The following MITF variants were observed in gnomAD, a reference collection of about 807,000 sequenced individuals.
MITF encodes microphthalmia-associated transcription factor.
In MITF, 17 loss-of-function variants were observed where a neutral mutation model predicts 60.5. The ratio of observed to expected loss-of-function variants is 0.28; its 90% CI spans 0.19 to 0.42. The LOEUF (loss-of-function observed/expected upper bound fraction) is 0.42. Ranked by LOEUF, MITF falls within the 10% of genes least tolerant of loss-of-function variation. The pLI is 1.00. For synonymous variants in MITF, 260 were observed against 248.5 expected, an observed-to-expected ratio of 1.05 and a Z score of -0.43; for missense variants, 622 against 683.5, an observed-to-expected ratio of 0.91 and a Z score of 1.00.
intron 1 of MITF, among the ~76,000 whole-genome samples, chr3:69,808,032 G>A (rs1195970764): frequency 6.7e-6 from 1 of 148,910 alleles, no homozygotes; most frequent in African/African-American, 2.5e-5. Flanking sequence ...ATAAAAATGG[G>A]AGCATTGCTC....
intron 2 of MITF, chr3:69,936,941 A>G (rs918856660): frequency 9.1e-6 from 4 of 440,234 alleles, no homozygotes; most frequent in African/African-American, 6.3e-5. Flanking sequence ...AAATATTAGT[A>G]GGATTCTTTT....
intron 6 of MITF, 48 bp downstream of exon 6, chr3:69,949,216 C>A: frequency 7.2e-7 from 1 of 1,390,284 alleles, no homozygotes; most frequent in East Asian, 2.3e-5. Context: ...CTGTCCATTT[C>A]CTGATAAGAC....
rs377592102 is a variant in MITF, at chr3:69,740,130, G to A, written c.104+429G>A. 2.6e-5 allele frequency among the ~76,000 whole-genome samples: 4 copies of A among 152,328 alleles called. No individual in the cohort carries two copies. The East Asian group carries it at 5.8e-4, about 22-fold the overall frequency. ...CCAGCGGGTTGAGGGCTCGGAGAGG[G>A]AGAGCTTTGGGTGGACTGAGATGCG... is the stretch of plus-strand genomic sequence containing the variant. On this transcript the variant is annotated intron_variant, in intron 1 of 9. Transcript: ENST00000352241.
At chr3:69,822,799 A>AT (rs1408130998) in intron 1 of MITF, among the ~76,000 whole-genome samples, 8 of 151,082 alleles carry the variant, frequency 5.3e-5, no homozygotes, top group African/African-American at 1.2e-4. Context: ...TTTTAATTTT[A>AT]TTTTTTTCCT....
At chr3:69,939,310 G>C (rs901543793) in intron 4 of MITF, 129 bp downstream of exon 4, 39 of 791,756 alleles carry the variant, frequency 4.9e-5, no homozygotes, top group African/African-American at 1.1e-4. Context: ...TATAGAGAAA[G>C]CTAGGAACAT....
At chr3:69,913,261 G>A (rs1283007165) in intron 2 of MITF, among the ~76,000 whole-genome samples, 4 of 151,910 alleles carry the variant, frequency 2.6e-5, no homozygotes, top group African/African-American at 9.7e-5. Context: ...GGGGCTTTTT[G>A]TATTTGTTTA....
chr3:69,852,526 T>A (rs2063842456), intron 1 of MITF, among the ~76,000 whole-genome samples: 1 of 152,244 alleles, frequency 6.6e-6, no homozygotes, highest in Non-Finnish European at 1.5e-5. Context: ...GATATTCCAT[T>A]GTATGATTAC....
chr3:69,873,255 A>G (rs764392061), intron 1 of MITF, among the ~76,000 whole-genome samples: 2 of 151,946 alleles, frequency 1.3e-5, no homozygotes, highest in Non-Finnish European at 1.5e-5. Context: ...ATTTTTTTCC[A>G]CCATGCATGG....
At chr3:69,867,366 G>A (rs2064135581) in intron 1 of MITF, among the ~76,000 whole-genome samples, 2 of 151,998 alleles carry the variant, frequency 1.3e-5, no homozygotes, top group Admixed American at 6.6e-5. Context: ...TTAAGTGTGG[G>A]TTAAAGTTCA....
chr3:69,815,447 G>A (rs2063166572), intron 1 of MITF, among the ~76,000 whole-genome samples: 1 of 152,146 alleles, frequency 6.6e-6, no homozygotes, highest in Non-Finnish European at 1.5e-5. Flanking sequence ...AAGATGATGA[G>A]GATGAAGACC....
chr3:69,859,381 T>A (rs1433747480), intron 1 of MITF, among the ~76,000 whole-genome samples: 1 of 152,238 alleles, frequency 6.6e-6, no homozygotes, highest in Non-Finnish European at 1.5e-5. Context: ...TACAAACATT[T>A]AATTTATATG....
intron 1 of MITF, among the ~76,000 whole-genome samples, chr3:69,813,303 C>T (rs62251027): frequency 5.9e-5 from 9 of 152,068 alleles, no homozygotes; most frequent in Admixed American, 1.3e-4. Context: ...AAAAGCTTTC[C>T]GCTCTTTTGC....
At chr3:69,797,527 G>C (rs1449941447) in intron 1 of MITF, among the ~76,000 whole-genome samples, 1 of 152,082 alleles carries the variant, frequency 6.6e-6, no homozygotes, top group African/African-American at 2.4e-5. Flanking sequence ...GATTTTGAAG[G>C]GGTATAGGTG....
chr3:69,960,783 G>T (rs1051331130), intron 9 of MITF, among the ~76,000 whole-genome samples: 2 of 152,192 alleles, frequency 1.3e-5, no homozygotes, highest in African/African-American at 4.8e-5. Flanking sequence ...CCCGGACGTT[G>T]AACTTTTCAA....
chr3:69,873,949 C>A (rs1275679583), intron 1 of MITF, among the ~76,000 whole-genome samples: 1 of 152,262 alleles, frequency 6.6e-6, no homozygotes, highest in South Asian at 2.1e-4. Context: ...AAGTTCTCAG[C>A]GAATTTTGTT....
chr3:69,843,502 C>T lies in MITF; in HGVS notation c.105-35632C>T, dbSNP rs565552407. 3.3e-5 allele frequency among the ~76,000 whole-genome samples: 5 copies of T among 152,202 alleles called. No homozygotes were observed. The South Asian group carries it at 6.2e-4, about 19-fold the overall frequency. The stretch of plus-strand genomic sequence containing the variant: ...TTATGCCTCTGCCCCCATTGAATCT[C>T]GTTACAAGATAGAGCCTTACAAATC... On this transcript the variant is annotated intron_variant, in intron 1 of 9. Transcript: ENST00000352241.
At chr3:69,855,806 T>C (rs530843542) in intron 1 of MITF, among the ~76,000 whole-genome samples, 6 of 152,332 alleles carry the variant, frequency 3.9e-5, no homozygotes, top group African/African-American at 1.4e-4. Context: ...GAGGTCTTTA[T>C]ATATCGAAGC....
chr3:69,852,813 C>G (rs2063848043), intron 1 of MITF, among the ~76,000 whole-genome samples: 1 of 152,078 alleles, frequency 6.6e-6, no homozygotes. Flanking sequence ...TGTTCTTCAC[C>G]AACATTTGGT....
chr3:69,842,927 G>A (rs969884634), intron 1 of MITF, among the ~76,000 whole-genome samples: 1 of 152,136 alleles, frequency 6.6e-6, no homozygotes, highest in Non-Finnish European at 1.5e-5. Flanking sequence ...TATTTTTCTT[G>A]TGGAGAGTTT....
Sources: gnomAD v4.1 joint callset for allele counts (sites outside exome capture counted in the v4.1 genomes callset) on GRCh38, gnomAD v4.1.1 for gene constraint, MANE v1.5 for transcripts, NCBI Gene and HGNC (gene_info 2026-07-23, HGNC 2026-07-21) for gene names.